Variants in USP25 observed in about 807,000 individuals in gnomAD.
USP25 encodes the protein ubiquitin specific peptidase 25.
USP25 carries 85 observed loss-of-function variants against 158.5 expected under a neutral mutation model. That is an observed-to-expected ratio of 0.54 (90% CI 0.45 to 0.64). The LOEUF (loss-of-function observed/expected upper bound fraction) is 0.64, where lower values mean the gene tolerates loss of function less well. Among genes scored for constraint, USP25 ranks in the 30% least tolerant of loss-of-function variants. USP25 has a pLI of 0.00. For synonymous variants in USP25, 464 were observed against 460.4 expected (o/e 1.01, Z -0.10); for missense variants, 1,242 against 1,327.3 (o/e 0.94, Z 1.00).
intron 23 of USP25, among the ~76,000 whole-genome samples, chr21:15,871,626 G>A (rs916418634): frequency 2.6e-5 from 4 of 152,160 alleles, no homozygotes; most frequent in East Asian, 3.9e-4. Context: ...GTACCTATCC[G>A]GATAGCTTCT....
intron 10 of USP25, among the ~76,000 whole-genome samples, chr21:15,823,607 T>C (rs1410482777): frequency 6.6e-6 from 1 of 152,130 alleles, no homozygotes; most frequent in Non-Finnish European, 1.5e-5. Flanking sequence ...ATTTATGATA[T>C]AAATTTTTTT....
Position 15,864,130 on chromosome 21 carries a change from A to G in USP25, c.2548-138A>G, listed in dbSNP as rs142425750. On this transcript the variant is annotated intron_variant, in intron 20 of 25. Coordinates refer to ENST00000400183, the MANE Select transcript of USP25 (RefSeq NM_001283041.3). ...AACATGGGACTGTGTTCTTAGTTGT[A>G]CTGCCTTGTTTGTGATACTTTAAAA... is the stretch of plus-strand genomic sequence containing the variant. 9.5e-4 allele frequency: 706 copies of G among 743,198 alleles called. 6 individuals are homozygous for G. In the East Asian group the frequency reaches 0.021, roughly 22 times the overall value. The allele number at this position is 743,198 out of a possible 1,614,324, so 46.0% of individuals were successfully genotyped here.
intron 10 of USP25, among the ~76,000 whole-genome samples, chr21:15,823,695 C>T (rs545123171): frequency 5.3e-5 from 8 of 152,012 alleles, no homozygotes; most frequent in Non-Finnish European, 1.2e-4. Flanking sequence ...TTCAACATCA[C>T]GTTGAAGAAG....
intron 9 of USP25, among the ~76,000 whole-genome samples, chr21:15,815,508 C>T (rs1257924897): frequency 2.0e-5 from 3 of 152,196 alleles, no homozygotes; most frequent in Non-Finnish European, 4.4e-5. Context: ...CCTTGCAAAG[C>T]CACAGGGGCG....
intron 6 of USP25, among the ~76,000 whole-genome samples, chr21:15,800,077 T>A (rs556234924): frequency 6.6e-6 from 1 of 151,340 alleles, no homozygotes; most frequent in East Asian, 1.9e-4. Context: ...GCTTTAGTAA[T>A]TTTTTTGGGG....
At chr21:15,877,700 A>C in intron 24 of USP25, 96 bp from the exon 25 acceptor site, 2 of 862,242 alleles carry the variant, frequency 2.3e-6, no homozygotes, top group Non-Finnish European at 1.8e-6. Flanking sequence ...CTGTTTGTGA[A>C]CATATTTATG....
chr21:15,778,970 A>C (rs2034808905), intron 4 of USP25, among the ~76,000 whole-genome samples: 1 of 152,136 alleles, frequency 6.6e-6, no homozygotes, highest in Non-Finnish European at 1.5e-5. Context: ...TTCTTGGCAC[A>C]ATATCAATAG....
At chr21:15,737,114 A>C (rs141484684) in intron 1 of USP25, among the ~76,000 whole-genome samples, 3,099 of 152,076 alleles carry the variant, frequency 0.02, 56 homozygotes, top group South Asian at 0.033. Flanking sequence ...TTAAAACTAC[A>C]TTATTTGGAT....
intron 1 of USP25, among the ~76,000 whole-genome samples, chr21:15,730,974 C>CTTTTTTTTTTTTTTTTTTTTTT (rs1420306163): frequency 1.7e-5 from 1 of 60,348 alleles, no homozygotes; most frequent in African/African-American, 7.7e-5. Flanking sequence ...TTCTTCTTTT[C>CTTTTTTTTTTTTTTTTTTTTTT]TGTTTTTTTT....
At position 15,785,967 on chromosome 21, in the gene USP25, C is replaced by G. The variant is rs146741011; in HGVS notation, c.393-5535C>G. ...ATAAAACCAGACATGAAAAATGAAA[C>G]ATTACAAATGTATCACAGAATTGGA... On this transcript the variant is annotated intron_variant, in intron 4 of 25. Transcript: ENST00000400183. Among the ~76,000 whole-genome samples the G allele has an allele frequency of 2.5e-3, 363 of 147,970 alleles. 2 individuals carry two copies. The highest frequency in any genetic ancestry group is 3.9e-3 in the Non-Finnish European group (261 of 67,002).
chr21:15,864,700 A>T (rs139838608), intron 21 of USP25, among the ~76,000 whole-genome samples: 1 of 152,156 alleles, frequency 6.6e-6, no homozygotes, highest in Non-Finnish European at 1.5e-5. Flanking sequence ...ATTACACTCA[A>T]TATTTTAGAA....
intron 1 of USP25, among the ~76,000 whole-genome samples, chr21:15,734,494 TC>T (rs761686012): frequency 2.6e-5 from 4 of 152,184 alleles, no homozygotes; most frequent in Admixed American, 6.5e-5. Flanking sequence ...TCTTATTCTT[TC>T]CTTTTCACAC....
intron 1 of USP25, chr21:15,744,871 AGCCACC>A (rs921947553): frequency 3.9e-5 from 6 of 152,480 alleles, no homozygotes; most frequent in African/African-American, 1.4e-4. Context: ...TACAGGCGTG[AGCCACC>A]GCACCCCGCC....
chr21:15,808,909 A>G (rs370802393), intron 8 of USP25, 24 bp downstream of exon 8: 24 of 1,566,948 alleles, frequency 1.5e-5, no homozygotes, highest in Middle Eastern at 1.7e-4. Flanking sequence ...AAGTTTAGCA[A>G]TGGGGTTTTA....
At chr21:15,869,914 TAA>T (rs2039814545) in intron 22 of USP25, among the ~76,000 whole-genome samples, 152 bp from the exon 23 acceptor site, 1 of 152,228 alleles carries the variant, frequency 6.6e-6, no homozygotes, top group African/African-American at 2.4e-5. Flanking sequence ...TGCCAGAAAG[TAA>T]AGTCTTGTTT....
At chr21:15,803,841 C>T (rs1414181172) in intron 6 of USP25, among the ~76,000 whole-genome samples, 1 of 151,822 alleles carries the variant, frequency 6.6e-6, no homozygotes, top group Non-Finnish European at 1.5e-5. Flanking sequence ...ACCTATTTCT[C>T]AGGACTCTTT....
intron 1 of USP25, among the ~76,000 whole-genome samples, chr21:15,745,949 CT>C (rs1483475958): frequency 6.6e-6 from 1 of 152,180 alleles, no homozygotes; most frequent in African/African-American, 2.4e-5. Flanking sequence ...CCAGCACCTA[CT>C]TTTGAAAAAG....
At chr21:15,824,343 T>C (rs77679516) in intron 11 of USP25, among the ~76,000 whole-genome samples, 177 bp downstream of exon 11, 1 of 152,206 alleles carries the variant, frequency 6.6e-6, no homozygotes, top group Non-Finnish European at 1.5e-5. Context: ...GTATAGTTTT[T>C]GGGAATAATG....
At chr21:15,844,434 G>A (rs549937630) in intron 18 of USP25, among the ~76,000 whole-genome samples, 1 of 152,202 alleles carries the variant, frequency 6.6e-6, no homozygotes, top group Admixed American at 6.5e-5. Flanking sequence ...GTAATTGTAG[G>A]ATTAGTCAAG....
Sources: gnomAD v4.1 joint callset for allele counts (sites outside exome capture counted in the v4.1 genomes callset) on GRCh38, gnomAD v4.1.1 for gene constraint, MANE v1.5 for transcripts, NCBI Gene and HGNC (gene_info 2026-07-23, HGNC 2026-07-21) for gene names.